Variants in FKBP15 observed in about 807,000 individuals in gnomAD.
FKBP15 encodes the protein FK506-binding protein 15.
In FKBP15, 106 loss-of-function variants were observed where a neutral mutation model predicts 158.1. That is an observed-to-expected ratio of 0.67 (90% CI 0.57 to 0.79). The LOEUF (loss-of-function observed/expected upper bound fraction) is 0.79, where lower values mean the gene tolerates loss of function less well. Among genes scored for constraint, FKBP15 ranks in the 30% least tolerant of loss-of-function variants. FKBP15 has a pLI of 0.00. For missense variants in FKBP15, 1,287 were observed against 1,479.1 expected, an observed-to-expected ratio of 0.87 and a Z score of 2.13; for synonymous variants, 547 against 548.6, an observed-to-expected ratio of 1.00 and a Z score of 0.04.
rs930465059 is a variant in FKBP15 at position 113,190,691 on chromosome 9, C to A, written c.1066-113G>T. Reference sequence around the variant, plus strand: ...CCTTCAACAAATCCCCCTACCATATCTATTTAAAAACATTTCCTCTAGAAA... The same window carrying A: ...CCTTCAACAAATCCCCCTACCATATATATTTAAAAACATTTCCTCTAGAAA... On this transcript the variant is annotated intron_variant, in intron 11 of 27. Transcript: ENST00000238256. 16 of 731,808 alleles carry A rather than the reference C, an allele frequency of 2.2e-5. No individual in the cohort carries two copies. In the Admixed American group the frequency reaches 3.0e-4, roughly 14 times the overall value. 45.3% of individuals were successfully genotyped at this position (731,808 alleles called of 1,614,324 possible).
At position 113,194,139 on chromosome 9, in the gene FKBP15, C is replaced by T. The variant is rs1431318736; in HGVS notation, c.895G>A (p.Gly299Ser). The T allele has an allele frequency of 1.9e-6, 3 of 1,612,050 alleles. No homozygotes were observed. In the South Asian group the frequency reaches 3.3e-5, roughly 18 times the overall value. ...GAATCGCGGGAACTAACACTGTGAC[C>T]ATCAGAGCCAGAATCTCTGGCAAAC... is the stretch of plus-strand genomic sequence containing the variant. ...VKFARDSGSD[G>S]HSVSSRDSAA... Residue 299 changes from glycine to serine, a missense_variant, in exon 10 of 28, where the codon GGT becomes AGT. By Grantham distance (56) the Gly-to-Ser change is moderately conservative. Coordinates refer to ENST00000238256, the MANE Select transcript of FKBP15 (RefSeq NM_015258.2).
In FKBP15 at chr9:113,163,883, CATG is replaced by C. The variant is rs1291685431; in HGVS notation, c.*2192_*2194del. On this transcript the variant is annotated 3_prime_UTR_variant, in exon 28 of 28. Coordinates refer to ENST00000238256, the MANE Select transcript of FKBP15 (RefSeq NM_015258.2). The stretch of plus-strand genomic sequence containing the variant: ...TACTCGTAATGATCTAGTGGGGAAA[CATG>C]ATTCATTCACTTAAAATACTGATTA... 1.3e-5 allele frequency: 2 copies of C among 148,934 alleles called. No individual in the cohort carries two copies. The highest frequency in any genetic ancestry group is 1.5e-5 in the Non-Finnish European group (1 of 67,502). 9.2% of individuals were successfully genotyped at this position (148,934 alleles called of 1,614,324 possible).
rs938665995 is a variant in FKBP15 at position 113,198,494 on chromosome 9, T to A, written c.717+361A>T. On this transcript the variant is annotated intron_variant, in intron 8 of 27. Transcript: ENST00000238256. This position sits in a 1 kb window ranked among gnomAD's most constrained non-coding sequence, Gnocchi z 5.2. ...CAGGCCGGACATGGTGGTTCATGCC[T>A]GTAATCCCGGCACTTTGGGAGGCTG... Among the ~76,000 whole-genome samples the A allele has an allele frequency of 1.3e-5, 2 of 152,274 alleles. No homozygotes were observed. Among genetic ancestry groups the A allele is most frequent in the Admixed American group, 1.3e-4 (2 of 15,286 alleles).
At chr9:113,170,434 A>G in intron 25 of FKBP15, 88 bp downstream of exon 25, 7 of 999,992 alleles carry the variant, frequency 7.0e-6, no homozygotes, top group Non-Finnish European at 9.4e-6. Context: ...GCCAGCTTTG[A>G]ACAATTTTTT....
At position 113,182,910 on chromosome 9, in the gene FKBP15, T is replaced by C. The variant is rs757983056; in HGVS notation, c.1812-42A>G. 8.6e-6 allele frequency: 13 copies of C among 1,517,884 alleles called. No individual in the cohort carries two copies. The Admixed American group carries it at 2.0e-4, about 23-fold the overall frequency. The allele number at this position is 1,517,884 out of a possible 1,614,324, so 94.0% of individuals were successfully genotyped here. ...GAAAAAGAAAACATTTATCAAGCAC[T>C]GAGTGTATGGCAGGCACAACCCAAT... On this transcript the variant is annotated intron_variant, in intron 18 of 27. Transcript: ENST00000238256.
In FKBP15 at chr9:113,166,165, C is replaced by T; in HGVS notation, c.3583-10G>A. 2 of 1,607,870 alleles carry T rather than the reference C, an allele frequency of 1.2e-6. No homozygotes were observed. The highest frequency in any genetic ancestry group is 1.7e-6 in the Non-Finnish European group (2 of 1,176,784). ...GGCGTCCCTTCATGCTCTGATAAAA[C>T]AGGAAAGAGCAGTCAGTCCTCACTT... On this transcript the variant is annotated splice_polypyrimidine_tract_variant and intron_variant, in intron 27 of 27. Transcript: ENST00000238256.
Position 113,169,784 on chromosome 9 carries a change from C to T in FKBP15, c.2925G>A (p.Glu975=). The T allele has an allele frequency of 5.6e-6, 9 of 1,596,302 alleles. No homozygotes were observed. The highest frequency in any genetic ancestry group is 7.7e-6 in the Non-Finnish European group (9 of 1,170,912). Residue 975 remains glutamate (E), a synonymous_variant, in exon 26 of 28, where the codon GAG becomes GAA. Transcript: ENST00000238256. ...AGGGCACCATGGGGGACTCTGGCCT[C>T]TCCCTATTCAGGGGTGCTTGAGGCT... ...SGQPQAPLNR[E]RPESPMVPSE...
At chr9:113,193,609 A>C in intron 10 of FKBP15, 60 bp from the exon 11 acceptor site, 1 of 1,338,868 alleles carries the variant, frequency 7.5e-7, no homozygotes, top group Middle Eastern at 1.8e-4. Context: ...ACAAGTCCAA[A>C]TTATATTGGA....
intron 18 of FKBP15, 45 bp from the exon 19 acceptor site, chr9:113,182,913 G>T: frequency 6.7e-7 from 1 of 1,494,414 alleles, no homozygotes. Flanking sequence ...CAAGCACTGA[G>T]TGTATGGCAG....
intron 20 of FKBP15, among the ~76,000 whole-genome samples, chr9:113,177,349 T>G (rs1830317469): frequency 6.6e-6 from 1 of 152,202 alleles, no homozygotes; most frequent in Non-Finnish European, 1.5e-5. Flanking sequence ...AAAATTTGTT[T>G]GGGAAACTTT....
chr9:113,211,582 C>CAAA lies in FKBP15; in HGVS notation c.63_64insTTT (p.Leu21_Ala22insPhe). The CAAA allele has an allele frequency of 1.3e-6, 2 of 1,599,212 alleles. No homozygotes were observed. The highest frequency in any genetic ancestry group is 1.7e-6 in the Non-Finnish European group (2 of 1,172,050). ...GCCTGATCCAGTCCAAAAAGTGAGG[C>CAAA]CAATCTGGCACTGTTAGTAGAAAAT... is the stretch of plus-strand genomic sequence containing the variant. On this transcript the variant is annotated inframe_insertion, in exon 2 of 28. Transcript: ENST00000238256.
At position 113,164,735 on chromosome 9, in the gene FKBP15, G is replaced by C. The variant is rs1234996266; in HGVS notation, c.*1343C>G. ...CCAGGATTTGAATTCTTGTGCTGAG[G>C]CTTCCTAGATATGTAACTTTGGGCA... On this transcript the variant is annotated 3_prime_UTR_variant, in exon 28 of 28. Transcript: ENST00000238256. The C allele has an allele frequency of 6.6e-6, 1 of 152,208 alleles. No individual in the cohort carries two copies. The highest frequency in any genetic ancestry group is 1.5e-5 in the Non-Finnish European group (1 of 68,052). 9.4% of individuals were successfully genotyped at this position (152,208 alleles called of 1,614,324 possible). A position where few individuals can be genotyped will look rare whatever the true frequency, so the allele number is the denominator to read the frequency against.
rs975090678 is a variant in FKBP15 at position 113,193,566 on chromosome 9, C to G, written c.1008-17G>C. On this transcript the variant is annotated splice_polypyrimidine_tract_variant and intron_variant, in intron 10 of 27. Transcript: ENST00000238256. ...GCTGGCTCCCTGAAAGCAAATAGAC[C>G]ATATTCCAAGATTGAAAACAAAATC... The G allele has an allele frequency of 4.4e-6, 7 of 1,588,394 alleles. No individual in the cohort carries two copies. In the African/African-American group the frequency reaches 9.4e-5, roughly 21 times the overall value.
intron 1 of FKBP15, among the ~76,000 whole-genome samples, chr9:113,212,280 C>T (rs535406992): frequency 3.7e-4 from 56 of 152,238 alleles, no homozygotes; most frequent in Non-Finnish European, 7.5e-4. Context: ...CCTCCGCTTC[C>T]CAGGTTCAAG....
At chr9:113,175,537 AAGAT>A (rs1307426952) in intron 21 of FKBP15, among the ~76,000 whole-genome samples, 1 of 152,198 alleles carries the variant, frequency 6.6e-6, no homozygotes, top group African/African-American at 2.4e-5. Flanking sequence ...AACAGACAAA[AAGAT>A]AGAAATGTTC....
intron 5 of FKBP15, 133 bp from the exon 6 acceptor site, chr9:113,202,762 C>T (rs1178325056): frequency 3.8e-6 from 3 of 792,636 alleles, no homozygotes; most frequent in East Asian, 2.7e-5. Context: ...TTCTTCTTCC[C>T]TCTCACCCTC....
chr9:113,202,983 AT>A lies in FKBP15; in HGVS notation c.376del (p.Ile126PhefsTer3). 6.2e-7 allele frequency: 1 copy of A among 1,613,230 alleles called. No homozygotes were observed. The highest frequency in any genetic ancestry group is 8.5e-7 in the Non-Finnish European group (1 of 1,179,562). On this transcript the variant is annotated frameshift_variant, in exon 5 of 28. Coordinates refer to ENST00000238256, the MANE Select transcript of FKBP15 (RefSeq NM_015258.2). LOFTEE classifies it high-confidence loss of function. The stretch of plus-strand genomic sequence containing the variant: ...TACCATTAGCTCAAAGTTCACATGA[AT>A]CCTAGCAACCGTAACTGGCTGTTGT... The part of the protein sequence containing the change: ...SQQQPVTVAR[I>X]HVNFELMVRP...
chr9:113,199,666 C>G (rs1329305117), intron 7 of FKBP15, 148 bp downstream of exon 7: 6 of 764,378 alleles, frequency 7.8e-6, no homozygotes, highest in African/African-American at 1.8e-5. Context: ...TCATAATATG[C>G]CCCCAAAGCA....
intron 12 of FKBP15, 56 bp from the exon 13 acceptor site, chr9:113,188,547 G>C: frequency 7.2e-7 from 1 of 1,396,028 alleles, no homozygotes; most frequent in Non-Finnish European, 1.0e-6. Flanking sequence ...ATTGAAGACT[G>C]AGGCTGACTG....
Sources: gnomAD v4.1 joint callset for allele counts (sites outside exome capture counted in the v4.1 genomes callset) on GRCh38, gnomAD v4.1.1 for gene constraint, Gnocchi (gnomAD v3.1) non-coding constraint, MANE v1.5 for transcripts, NCBI Gene and HGNC (gene_info 2026-07-23, HGNC 2026-07-21) for gene names.